Variants in HYCC1 observed in about 807,000 individuals in gnomAD.
HYCC1 encodes the protein hyccin PI4KA lipid kinase complex subunit 1.
the HYCC1 span, among the ~76,000 whole-genome samples, chr7:22,898,853 G>T: frequency 6.6e-6 from 1 of 151,974 alleles, no homozygotes; most frequent in Non-Finnish European, 1.5e-5. Context: ...TGCCCGCCTC[G>T]GCCTCCCAAA....
the HYCC1 span, chr7:22,990,929 T>C: frequency 1.5e-6 from 1 of 662,492 alleles, no homozygotes; most frequent in Non-Finnish European, 2.7e-6. Flanking sequence ...AACTCTCTAT[T>C]GAGATTTGAT....
chr7:22,977,845 G>A, the HYCC1 span, among the ~76,000 whole-genome samples: 11 of 152,102 alleles, frequency 7.2e-5, no homozygotes, highest in African/African-American at 1.2e-4. Flanking sequence ...AATGCAAGCC[G>A]TATGTTAAAA....
the HYCC1 span, chr7:22,946,967 T>G: frequency 3.9e-6 from 6 of 1,548,224 alleles, no homozygotes; most frequent in Non-Finnish European, 5.2e-6. Flanking sequence ...AGTGCAGTTA[T>G]AAAGTGCTCT....
the HYCC1 span, among the ~76,000 whole-genome samples, chr7:23,011,425 T>A: frequency 6.6e-6 from 1 of 152,202 alleles, no homozygotes; most frequent in Non-Finnish European, 1.5e-5. Context: ...ATTTTTGTGT[T>A]CCTCATTTCC....
At chr7:22,962,688 C>T in the HYCC1 span, among the ~76,000 whole-genome samples, 1 of 151,832 alleles carries the variant, frequency 6.6e-6, no homozygotes, top group Admixed American at 6.6e-5. Flanking sequence ...GATGCGGGGA[C>T]ATGGGATCAG....
the HYCC1 span, among the ~76,000 whole-genome samples, chr7:22,987,263 T>C: frequency 1.7e-4 from 26 of 152,062 alleles, no homozygotes; most frequent in South Asian, 6.2e-4. Flanking sequence ...ATAAAGAAAA[T>C]AGGACAAGCG....
the HYCC1 span, chr7:22,978,567 T>C: frequency 2.4e-6 from 2 of 845,094 alleles, no homozygotes. Context: ...GTTCTTAAAA[T>C]AGCTAAGTTG....
At chr7:22,927,372 CAA>C in the HYCC1 span, among the ~76,000 whole-genome samples, 3 of 151,474 alleles carry the variant, frequency 2.0e-5, no homozygotes, top group African/African-American at 7.3e-5. Context: ...AAAAAGCCTT[CAA>C]AAAAAATCAA....
At chr7:22,973,917 G>A in the HYCC1 span, among the ~76,000 whole-genome samples, 3 of 152,242 alleles carry the variant, frequency 2.0e-5, no homozygotes, top group Non-Finnish European at 4.4e-5. Context: ...TCAGGGAAAC[G>A]TCAAGAGTGG....
chr7:23,000,120 G>C, the HYCC1 span, among the ~76,000 whole-genome samples: 1 of 151,376 alleles, frequency 6.6e-6, no homozygotes, highest in South Asian at 2.1e-4. Flanking sequence ...TTTTTAAATG[G>C]CCACACTTAA....
At chr7:22,929,661 T>G in the HYCC1 span, among the ~76,000 whole-genome samples, 14 of 152,138 alleles carry the variant, frequency 9.2e-5, no homozygotes, top group Admixed American at 3.9e-4. Flanking sequence ...TCACACCAGT[T>G]AGAATGGTGA....
chr7:22,979,625 T>C, the HYCC1 span, among the ~76,000 whole-genome samples: 41 of 152,302 alleles, frequency 2.7e-4, no homozygotes, highest in South Asian at 7.7e-3. Flanking sequence ...TAATCTTGAA[T>C]TGTGGCATAA....
chr7:22,902,555 C>T, the HYCC1 span, among the ~76,000 whole-genome samples: 8 of 152,006 alleles, frequency 5.3e-5, no homozygotes. Context: ...CAGTAACAAA[C>T]CAGTTTGGCC....
chr7:22,902,396 T>C, the HYCC1 span, among the ~76,000 whole-genome samples: 1 of 149,840 alleles, frequency 6.7e-6, no homozygotes, highest in Non-Finnish European at 1.5e-5. Context: ...AGAAAGTAAA[T>C]AAAATTAATT....
the HYCC1 span, among the ~76,000 whole-genome samples, chr7:22,971,708 G>C: frequency 6.6e-6 from 1 of 150,784 alleles, no homozygotes; most frequent in African/African-American, 2.4e-5. Flanking sequence ...GAGGGGCAGA[G>C]AGAAGTGGAG....
chr7:22,953,522 G>A, the HYCC1 span, among the ~76,000 whole-genome samples: 1 of 151,810 alleles, frequency 6.6e-6, no homozygotes, highest in Non-Finnish European at 1.5e-5. Flanking sequence ...GAAATAAAAT[G>A]AGATTTTTTG....
At chr7:22,931,490 T>C in the HYCC1 span, among the ~76,000 whole-genome samples, 1,019 of 152,236 alleles carry the variant, frequency 6.7e-3, 18 homozygotes, top group African/African-American at 0.024. Context: ...TCTGAAATTG[T>C]GGAAGGGACT....
chr7:22,916,661 A>G, the HYCC1 span, among the ~76,000 whole-genome samples: 1 of 152,044 alleles, frequency 6.6e-6, no homozygotes, highest in Non-Finnish European at 1.5e-5. Context: ...CCATTTCCCC[A>G]TATTTCCTTC....
chr7:22,918,806 C>T, the HYCC1 span, among the ~76,000 whole-genome samples: 1 of 152,080 alleles, frequency 6.6e-6, no homozygotes, highest in African/African-American at 2.4e-5. Flanking sequence ...AAAACTGCCC[C>T]ACCCCTAACT....
Sources: allele counts gnomAD v4.1 joint callset (sites outside exome capture counted in the v4.1 genomes callset), GRCh38; gene constraint gnomAD v4.1.1; transcripts MANE v1.5; gene names NCBI Gene and HGNC (gene_info 2026-07-23, HGNC 2026-07-21).